DYNAP: variants seen among roughly 807,000 people sequenced by gnomAD.
The protein encoded by DYNAP is dynactin associated protein, also known as dynactin-associated protein.
Under a neutral mutation model 8.5 loss-of-function variants are expected in DYNAP, and 7 were observed. The ratio of observed to expected loss-of-function variants is 0.82; its 90% confidence interval spans 0.47 to 1.54. The LOEUF is 1.54. Among genes scored for constraint, DYNAP ranks in the 40% most tolerant of loss-of-function variants. DYNAP has a pLI of 0.01. For synonymous variants in DYNAP, 77 were observed against 77.9 expected (o/e 0.99, Z 0.06); for missense variants, 256 against 224.3 (o/e 1.14, Z -0.90).
rs1459914850 is a variant in DYNAP, at chr18:54,598,381, A to G, written c.*236A>G. Reference sequence around the variant, plus strand: ...TCTCTTTGACTGAATCAACAACTACATTCCCTTCAACTGAATCTGCAACCA... The same window carrying G: ...TCTCTTTGACTGAATCAACAACTACGTTCCCTTCAACTGAATCTGCAACCA... On this transcript the variant is annotated 3_prime_UTR_variant, in exon 3 of 3. Coordinates refer to ENST00000648945, the MANE Select transcript of DYNAP (RefSeq NM_173629.3). The G allele has an allele frequency of 6.2e-6, 3 of 487,106 alleles. No individual in the cohort carries two copies. Among genetic ancestry groups the G allele is most frequent in the Non-Finnish European group, 1.1e-5 (3 of 273,798 alleles). The allele number at this position is 487,106 out of a possible 1,614,324, so 30.2% of individuals were successfully genotyped here. A position where few individuals can be genotyped will look rare whatever the true frequency, so the allele number is the denominator to read the frequency against.
chr18:54,593,706 C>T (rs1048502227), intron 1 of DYNAP, among the ~76,000 whole-genome samples: 5 of 151,542 alleles, frequency 3.3e-5, no homozygotes, highest in African/African-American at 7.3e-5. Context: ...CAGAGGAGTG[C>T]TTGAGCCCAG....
In DYNAP at chr18:54,598,142, A is replaced by G. The variant is rs1234966875; in HGVS notation, c.552A>G (p.Leu184=). 6.2e-7 allele frequency: 1 copy of G among 1,604,600 alleles called. No individual in the cohort carries two copies. Among genetic ancestry groups the G allele is most frequent in the Non-Finnish European group, 8.5e-7 (1 of 1,174,660 alleles). The change falls in exon 3 of 3, where the codon TTA becomes TTG. Residue 184 remains leucine, a synonymous_variant. Transcript: ENST00000648945. ...EPITVAPTDH[L] is the part of the protein sequence containing the mutation. ...TAACTGTTGCACCTACCGATCATTTATAATTTGAACAGCCATAGCCATCAC... is the reference window on the plus strand; with the variant it reads ...TAACTGTTGCACCTACCGATCATTTGTAATTTGAACAGCCATAGCCATCAC...
chr18:54,577,228 G>A, the DYNAP span, among the ~76,000 whole-genome samples: 9 of 152,090 alleles, frequency 5.9e-5, no homozygotes, highest in African/African-American at 1.9e-4. Flanking sequence ...ATATATTACT[G>A]TGCAGGAGAG....
At position 54,598,221 on chromosome 18, in the gene DYNAP, C is replaced by T. The variant is rs547472348; in HGVS notation, c.*76C>T. ...TCAACTCAGTTTGCAACTATAATAG[C>T]TACTCCTATCACTTCAAGTGGAATC... is the stretch of plus-strand genomic sequence containing the variant. On this transcript the variant is annotated 3_prime_UTR_variant, in exon 3 of 3. Coordinates refer to ENST00000648945, the MANE Select transcript of DYNAP (RefSeq NM_173629.3). 7.1e-7 allele frequency: 1 copy of T among 1,408,628 alleles called. No individual in the cohort carries two copies. The highest frequency in any genetic ancestry group is 1.3e-5 in the South Asian group (1 of 75,166). The allele number at this position is 1,408,628 out of a possible 1,614,324, so 87.3% of individuals were successfully genotyped here.
chr18:54,590,756 A>G (rs1042975391), upstream of DYNAP, among the ~76,000 whole-genome samples: 2 of 152,166 alleles, frequency 1.3e-5, no homozygotes, highest in African/African-American at 4.8e-5. Context: ...TGATTCTAAT[A>G]GTTTTTAATG....
chr18:54,591,090 C>A, upstream of DYNAP: 1 of 1,075,520 alleles, frequency 9.3e-7, no homozygotes, highest in Non-Finnish European at 1.3e-6. Context: ...CTGCAGTTAA[C>A]ATTTCATTTC....
Position 54,599,271 on chromosome 18 carries a change from C to G in DYNAP, c.*1126C>G, listed in dbSNP as rs1911437782. 6.6e-6 allele frequency: 1 copy of G among 152,048 alleles called. No individual in the cohort carries two copies. The highest frequency in any genetic ancestry group is 2.4e-5 in the African/African-American group (1 of 41,418). 9.4% of individuals were successfully genotyped at this position (152,048 alleles called of 1,614,324 possible). On this transcript the variant is annotated 3_prime_UTR_variant, in exon 3 of 3. Transcript: ENST00000648945. Reference sequence around the variant, plus strand: ...ACTCTTTTTGTCAACACATCCGAACCTGCAACTACAAATGCCACCATTACC... The same window carrying G: ...ACTCTTTTTGTCAACACATCCGAACGTGCAACTACAAATGCCACCATTACC...
At chr18:54,586,568 A>G (rs1364805405), upstream of DYNAP, among the ~76,000 whole-genome samples, 1 of 152,120 alleles carries the variant, frequency 6.6e-6, no homozygotes, top group Non-Finnish European at 1.5e-5. Context: ...AAAGGTGCCA[A>G]AGTTGTATGA....
Position 54,599,244 on chromosome 18 carries a change from T to C in DYNAP, c.*1099T>C, listed in dbSNP as rs1431668006. On this transcript the variant is annotated 3_prime_UTR_variant, in exon 3 of 3. Coordinates refer to ENST00000648945, the MANE Select transcript of DYNAP (RefSeq NM_173629.3). ...ATCTCTTAAAATATTTTACAGAGTT[T>C]GACTCTTTTTGTCAACACATCCGAA... is the stretch of plus-strand genomic sequence containing the variant. The C allele has an allele frequency of 6.6e-6, 1 of 152,082 alleles. No individual in the cohort carries two copies. The highest frequency in any genetic ancestry group is 2.4e-5 in the African/African-American group (1 of 41,418). The allele number at this position is 152,082 out of a possible 1,614,324, so 9.4% of individuals were successfully genotyped here.
upstream of DYNAP, among the ~76,000 whole-genome samples, chr18:54,584,025 A>C (rs552408932): frequency 6.6e-6 from 1 of 152,224 alleles, no homozygotes; most frequent in East Asian, 1.9e-4. Context: ...GGTGAAAGAA[A>C]AAGTGAAAAA....
chr18:54,597,971 T>G lies in DYNAP; in HGVS notation c.381T>G (p.Asn127Lys). The G allele has an allele frequency of 1.9e-6, 3 of 1,613,606 alleles. No individual in the cohort carries two copies. Among genetic ancestry groups the G allele is most frequent in the East Asian group, 2.2e-5 (1 of 44,820 alleles). Residue 127 changes from asparagine (N) to lysine (K), a missense_variant, in exon 3 of 3, where the codon AAT (asparagine) becomes AAG (lysine). Physicochemically the swap from Asn to Lys is moderately conservative, Grantham distance 94. Transcript: ENST00000648945. ...NSSIVIQLST[N>K]DGECVTVKPG... ...CCATTGTTATCCAGCTATCCACAAA[T>G]GATGGAGAGTGTGTGACTGTCAAAC...
At position 54,591,302 on chromosome 18, in the gene DYNAP, A is replaced by T. The variant is rs564760470; in HGVS notation, c.20A>T (p.Lys7Ile). 2 of 1,612,380 alleles carry T rather than the reference A, an allele frequency of 1.2e-6. No individual in the cohort carries two copies. Among genetic ancestry groups the T allele is most frequent in the East Asian group, 4.5e-5 (2 of 44,764 alleles). The change falls in exon 1 of 3, where the codon AAA (lysine) becomes ATA (isoleucine). Residue 7 changes from lysine to isoleucine, a missense_variant. Coordinates refer to ENST00000648945, the MANE Select transcript of DYNAP (RefSeq NM_173629.3). MDRKHGKYILNVEHSEN... is the reference protein window; with the variant it reads MDRKHGIYILNVEHSEN... ...TCAAGAATGGACAGAAAGCATGGAA[A>T]ATACATATTGAACGTTGAGCACTCT...
chr18:54,585,683 T>A (rs576576476), upstream of DYNAP, among the ~76,000 whole-genome samples: 5 of 152,340 alleles, frequency 3.3e-5, no homozygotes, highest in Admixed American at 2.0e-4. Context: ...CCTCTCACTA[T>A]CCTGCCTACC....
intron 1 of DYNAP, among the ~76,000 whole-genome samples, chr18:54,592,825 G>C (rs1386890052): frequency 6.6e-6 from 1 of 152,106 alleles, no homozygotes; most frequent in Non-Finnish European, 1.5e-5. Context: ...CATCCTTAGT[G>C]TAGACCCACC....
the DYNAP span, among the ~76,000 whole-genome samples, chr18:54,581,333 C>T: frequency 1.3e-5 from 2 of 152,134 alleles, no homozygotes; most frequent in Non-Finnish European, 2.9e-5. Flanking sequence ...GAAGAAATAA[C>T]GATGCAAGAT....
At chr18:54,580,166 T>C in the DYNAP span, among the ~76,000 whole-genome samples, 1 of 152,220 alleles carries the variant, frequency 6.6e-6, no homozygotes, top group South Asian at 2.1e-4. Flanking sequence ...CTCAGCTCTC[T>C]ACCTATTCAA....
the DYNAP span, among the ~76,000 whole-genome samples, chr18:54,579,983 A>G: frequency 9.2e-5 from 14 of 152,252 alleles, no homozygotes; most frequent in Non-Finnish European, 1.9e-4. Flanking sequence ...ATTTTGACCA[A>G]TGAAATAAAG....
upstream of DYNAP, among the ~76,000 whole-genome samples, chr18:54,589,824 A>G (rs958098673): frequency 3.3e-5 from 5 of 152,108 alleles, no homozygotes; most frequent in African/African-American, 1.2e-4. Context: ...TGGTTTAATT[A>G]TATTCTTCTG....
intron 2 of DYNAP, among the ~76,000 whole-genome samples, chr18:54,596,074 A>AT (rs951021829): frequency 7.3e-5 from 11 of 150,812 alleles, no homozygotes; most frequent in Admixed American, 2.0e-4. Context: ...TTTATTTTTT[A>AT]TTTTTTTGTT....
Sources: gnomAD v4.1 joint callset for allele counts (sites outside exome capture counted in the v4.1 genomes callset) on GRCh38, gnomAD v4.1.1 for gene constraint, MANE v1.5 for transcripts, NCBI Gene and HGNC (gene_info 2026-07-23, HGNC 2026-07-21) for gene names.